Variants in MRTFB observed in about 807,000 individuals in gnomAD.
MRTFB encodes the protein myocardin related transcription factor B, also known as myocardin-related transcription factor B.
In MRTFB, 29 loss-of-function variants were observed where a neutral mutation model predicts 104.2. The observed-to-expected ratio is 0.28, with a 90% CI of 0.21 to 0.38. The LOEUF (loss-of-function observed/expected upper bound fraction) is 0.38, where lower values mean the gene tolerates loss of function less well. Among genes scored for constraint, MRTFB ranks in the 10% least tolerant of loss-of-function variants. MRTFB has a pLI of 1.00. For missense variants in MRTFB, 1,270 were observed against 1,341.6 expected (o/e 0.95, Z 0.83); for synonymous variants, 535 against 519.5 (o/e 1.03, Z -0.41).
At chr16:14,110,911 G>C (rs1034628011) in intron 2 of MRTFB, among the ~76,000 whole-genome samples, 24 of 152,140 alleles carry the variant, frequency 1.6e-4, no homozygotes, top group African/African-American at 5.8e-4. Flanking sequence ...CCCTTAAACA[G>C]TACTTCCATC....
intron 1 of MRTFB, among the ~76,000 whole-genome samples, chr16:14,076,823 A>G (rs1281442446): frequency 2.0e-5 from 3 of 152,190 alleles, no homozygotes; most frequent in Non-Finnish European, 2.9e-5. Context: ...GATTCGTGTC[A>G]GTCTCGTAGA....
At chr16:14,259,180 A>T (rs2043650650) in intron 16 of MRTFB, among the ~76,000 whole-genome samples, 1 of 152,212 alleles carries the variant, frequency 6.6e-6, no homozygotes, top group African/African-American at 2.4e-5. Context: ...TATGCCTATA[A>T]TCCCAGCACT....
At chr16:14,217,065 TAAC>T in intron 6 of MRTFB, 58 bp from the exon 7 acceptor site, 1 of 1,489,136 alleles carries the variant, frequency 6.7e-7, no homozygotes, top group Non-Finnish European at 9.0e-7. Context: ...TGGCCTGAAA[TAAC>T]ATTATGGAAT....
At chr16:14,253,605 G>C (rs1436962420) in intron 15 of MRTFB, among the ~76,000 whole-genome samples, 1 of 152,170 alleles carries the variant, frequency 6.6e-6, no homozygotes, top group Non-Finnish European at 1.5e-5. Context: ...TGACCCACTT[G>C]GTTGCCTCAG....
chr16:14,018,432 A>C, the MRTFB span, among the ~76,000 whole-genome samples: 1 of 152,166 alleles, frequency 6.6e-6, no homozygotes, highest in East Asian at 1.9e-4. Context: ...TTTTAGTTTT[A>C]TTGTTTATTT....
At position 14,175,523 on chromosome 16, in the gene MRTFB, G is replaced by A. The variant is rs888431015; in HGVS notation, c.155-34720G>A. 5.3e-5 allele frequency among the ~76,000 whole-genome samples: 8 copies of A among 152,036 alleles called. 1 individual carries two copies. The highest frequency in any genetic ancestry group is 5.2e-4 in the Admixed American group (8 of 15,276). On this transcript the variant is annotated intron_variant, in intron 3 of 16. Transcript: ENST00000571589. The stretch of plus-strand genomic sequence containing the variant: ...TATGGGCAGATGATTGCAGTTTTTG[G>A]CTATTACAAATAAGACTGCCAATAC...
intron 13 of MRTFB, among the ~76,000 whole-genome samples, chr16:14,250,931 G>A (rs1234694786): frequency 6.6e-6 from 1 of 152,220 alleles, no homozygotes; most frequent in Non-Finnish European, 1.5e-5. Context: ...GAAGCTGAGA[G>A]GCAGGGGGTA....
At chr16:14,059,606 G>A in the MRTFB span, among the ~76,000 whole-genome samples, 113 of 152,320 alleles carry the variant, frequency 7.4e-4, no homozygotes, top group Non-Finnish European at 1.3e-3. Flanking sequence ...GGAAGATGGT[G>A]ACAGCACATC....
intron 10 of MRTFB, among the ~76,000 whole-genome samples, chr16:14,244,632 G>A (rs1224515204): frequency 6.6e-6 from 1 of 152,078 alleles, no homozygotes. Flanking sequence ...GTTGTGATTT[G>A]CAATTTCCAC....
chr16:14,084,200 A>G (rs1166916934), intron 2 of MRTFB, among the ~76,000 whole-genome samples: 2 of 152,220 alleles, frequency 1.3e-5, no homozygotes, highest in Admixed American at 6.5e-5. Context: ...TTTCCTCCAT[A>G]GAGAACTCTC....
intron 13 of MRTFB, among the ~76,000 whole-genome samples, chr16:14,251,169 G>A (rs2151428752): frequency 6.6e-6 from 1 of 152,144 alleles, no homozygotes; most frequent in South Asian, 2.1e-4. Flanking sequence ...GAGGTCAGGA[G>A]ATTGAGACCA....
the MRTFB span, among the ~76,000 whole-genome samples, chr16:13,999,050 C>T: frequency 2.6e-5 from 4 of 151,624 alleles, no homozygotes; most frequent in South Asian, 4.2e-4. Context: ...ATTAGCCAGG[C>T]GTGGTAGCAT....
intron 2 of MRTFB, among the ~76,000 whole-genome samples, chr16:14,093,584 A>G (rs1044223493): frequency 5.3e-5 from 8 of 152,244 alleles, no homozygotes; most frequent in Admixed American, 6.5e-5. Context: ...TATAGATACT[A>G]TGATCATTTA....
chr16:14,081,686 C>A (rs530726171), intron 2 of MRTFB, among the ~76,000 whole-genome samples: 2 of 152,142 alleles, frequency 1.3e-5, no homozygotes, highest in South Asian at 4.2e-4. Context: ...CTCAAGTGAT[C>A]CTCCCACTTC....
intron 8 of MRTFB, among the ~76,000 whole-genome samples, chr16:14,229,757 T>C (rs2042174334): frequency 6.6e-6 from 1 of 152,204 alleles, no homozygotes; most frequent in Non-Finnish European, 1.5e-5. Flanking sequence ...TAGTTTTTTT[T>C]TTGAATGCAT....
At chr16:14,174,186 ATTTTGGCCT>A (rs1567414303) in intron 3 of MRTFB, among the ~76,000 whole-genome samples, 17 of 152,050 alleles carry the variant, frequency 1.1e-4, no homozygotes, top group Non-Finnish European at 4.4e-5. Context: ...TGATTGTGCT[ATTTTGGCCT>A]TATATATCCT....
chr16:14,026,850 C>T, the MRTFB span, among the ~76,000 whole-genome samples: 1 of 149,596 alleles, frequency 6.7e-6, no homozygotes, highest in Non-Finnish European at 1.5e-5. Context: ...CTATGGTGAG[C>T]TACAACAACA....
chr16:14,124,162 G>A (rs535050501), intron 2 of MRTFB, among the ~76,000 whole-genome samples: 17 of 152,238 alleles, frequency 1.1e-4, no homozygotes, highest in Admixed American at 5.2e-4. Context: ...AGGAGATTTC[G>A]GGCTGAGATG....
At chr16:14,122,201 A>G (rs2036880109) in intron 2 of MRTFB, among the ~76,000 whole-genome samples, 1 of 149,490 alleles carries the variant, frequency 6.7e-6, no homozygotes, top group Admixed American at 6.7e-5. Flanking sequence ...TTAATTATGT[A>G]TCATGGACAT....
Sources: gnomAD v4.1 joint callset for allele counts (sites outside exome capture counted in the v4.1 genomes callset) on GRCh38, gnomAD v4.1.1 for gene constraint, MANE v1.5 for transcripts, NCBI Gene and HGNC (gene_info 2026-07-23, HGNC 2026-07-21) for gene names.